Variants in DAPP1 observed in about 807,000 individuals in gnomAD.
DAPP1 encodes the protein dual adaptor of phosphotyrosine and 3-phosphoinositides 1.
Under a neutral mutation model 41.5 loss-of-function variants are expected in DAPP1, and 20 were observed. The observed-to-expected ratio is 0.48, with a 90% confidence interval of 0.34 to 0.70. The LOEUF (loss-of-function observed/expected upper bound fraction) is 0.70, where lower values mean the gene tolerates loss of function less well. DAPP1 is among the 30% of genes least tolerant of loss of function. The pLI is 0.01. For missense variants in DAPP1, 233 were observed against 333.4 expected, an observed-to-expected ratio of 0.70 and a Z score of 2.35; for synonymous variants, 113 against 116.2, an observed-to-expected ratio of 0.97 and a Z score of 0.18.
chr4:99,852,182 A>C (rs1215551395), intron 3 of DAPP1, among the ~76,000 whole-genome samples: 1 of 152,182 alleles, frequency 6.6e-6, no homozygotes. Context: ...GTGCTATTGC[A>C]TTCCCAGTAC....
At chr4:99,839,546 G>A (rs192678437) in intron 2 of DAPP1, among the ~76,000 whole-genome samples, 126 of 152,166 alleles carry the variant, frequency 8.3e-4, no homozygotes, top group African/African-American at 3.0e-3. Flanking sequence ...CTAGGCTCAC[G>A]TAACTAATCA....
At chr4:99,850,618 C>T (rs1723821651) in intron 3 of DAPP1, among the ~76,000 whole-genome samples, 1 of 152,150 alleles carries the variant, frequency 6.6e-6, no homozygotes, top group South Asian at 2.1e-4. Context: ...GATCCCTAGG[C>T]TTCAGTTCCC....
chr4:99,835,171 G>T (rs1279501425), intron 1 of DAPP1, among the ~76,000 whole-genome samples: 1 of 152,020 alleles, frequency 6.6e-6, no homozygotes, highest in African/African-American at 2.4e-5. Flanking sequence ...ACCATGCCAG[G>T]CTAATTTTTG....
At chr4:99,844,360 A>G (rs1723596479) in intron 3 of DAPP1, 1 of 152,250 alleles carries the variant, frequency 6.6e-6, no homozygotes, top group African/African-American at 2.4e-5. Context: ...CAAATAAAAC[A>G]TATTCATGTC....
intron 8 of DAPP1, 53 bp from the exon 9 acceptor site, chr4:99,868,064 G>C (rs376394061): frequency 2.5e-5 from 36 of 1,459,780 alleles, no homozygotes; most frequent in Admixed American, 8.4e-5. Context: ...TTAGAAGCCA[G>C]GGTTCATTAC....
At chr4:99,818,737 G>A (rs1036663643) in intron 1 of DAPP1, among the ~76,000 whole-genome samples, 9 of 152,112 alleles carry the variant, frequency 5.9e-5, no homozygotes, top group Non-Finnish European at 7.4e-5. Flanking sequence ...TTCAGAAGGC[G>A]TGAACAATTA....
intron 2 of DAPP1, among the ~76,000 whole-genome samples, chr4:99,836,467 G>A (rs1025860760): frequency 1.3e-5 from 2 of 152,248 alleles, no homozygotes; most frequent in Middle Eastern, 3.4e-3. Flanking sequence ...GTTTTTAGGC[G>A]CTTCTCCATG....
intron 3 of DAPP1, among the ~76,000 whole-genome samples, chr4:99,852,488 C>T (rs926950067): frequency 1.3e-5 from 2 of 152,134 alleles, no homozygotes; most frequent in African/African-American, 4.8e-5. Flanking sequence ...AGTTCCCCAG[C>T]CCCCCATGCC....
intron 3 of DAPP1, among the ~76,000 whole-genome samples, chr4:99,843,866 T>C (rs1438981721): frequency 6.6e-6 from 1 of 152,260 alleles, no homozygotes; most frequent in Non-Finnish European, 1.5e-5. Context: ...TTCCACAATA[T>C]GTCATGCTGG....
At chr4:99,839,521 A>ATGGGAGGAAAAGGG (rs1248413434) in intron 2 of DAPP1, among the ~76,000 whole-genome samples, 17 of 152,024 alleles carry the variant, frequency 1.1e-4, no homozygotes, top group Admixed American at 1.1e-3. Context: ...TGGAACATGC[A>ATGGGAGGAAAAGGG]CGGGAGGAAA....
chr4:99,862,871 A>T (rs1261663596), intron 5 of DAPP1, 139 bp from the exon 6 acceptor site: 2 of 568,952 alleles, frequency 3.5e-6, no homozygotes, highest in Non-Finnish European at 2.9e-6. Context: ...AAATGACACA[A>T]AAGAATTTTT....
chr4:99,868,411 T>C lies in DAPP1; in HGVS notation c.*226T>C. ...AACACTGAAGCAATCACCATTCTGA[T>C]AGAAAGTGCTTAAACCACCACTCTT... is the stretch of plus-strand genomic sequence containing the variant. On this transcript the variant is annotated 3_prime_UTR_variant, in exon 9 of 9. Coordinates refer to ENST00000512369, the MANE Select transcript of DAPP1 (RefSeq NM_014395.3). 5.4e-6 allele frequency: 3 copies of C among 555,686 alleles called. No homozygotes were observed. The highest frequency in any genetic ancestry group is 9.7e-6 in the Non-Finnish European group (3 of 309,944). The allele number at this position is 555,686 out of a possible 1,614,324, so 34.4% of individuals were successfully genotyped here.
intron 1 of DAPP1, among the ~76,000 whole-genome samples, chr4:99,822,618 C>A (rs966583058): frequency 6.6e-6 from 1 of 152,126 alleles, no homozygotes; most frequent in African/African-American, 2.4e-5. Flanking sequence ...TGAACTCAGA[C>A]CCACCCAGTC....
In DAPP1 at chr4:99,853,129, C is replaced by G. The variant is rs181192937; in HGVS notation, c.359-89C>G. ...GGGAATACATGAAAAAAACAAAAGA[C>G]TTTCCAATCCAGCCACAGTTATCCA... On this transcript the variant is annotated intron_variant, in intron 3 of 8. Coordinates refer to ENST00000512369, the MANE Select transcript of DAPP1 (RefSeq NM_014395.3). 1.3e-3 allele frequency: 1,922 copies of G among 1,479,624 alleles called. 38 individuals are homozygous for G. In the Admixed American group the frequency reaches 0.039, roughly 30 times the overall value. The allele number at this position is 1,479,624 out of a possible 1,614,324, so 91.7% of individuals were successfully genotyped here.
intron 1 of DAPP1, 94 bp downstream of exon 1, chr4:99,817,108 C>T: frequency 1.2e-6 from 1 of 864,340 alleles, no homozygotes; most frequent in Admixed American, 2.8e-5. Flanking sequence ...ATCTTCAGTG[C>T]CTTGTTGCCC....
At chr4:99,854,005 T>TA (rs1351793091) in intron 4 of DAPP1, among the ~76,000 whole-genome samples, 10 of 152,234 alleles carry the variant, frequency 6.6e-5, no homozygotes, top group African/African-American at 2.2e-4. Context: ...TATATTTTTT[T>TA]AAATATTTCA....
At chr4:99,867,198 A>G (rs1442832695) in intron 8 of DAPP1, among the ~76,000 whole-genome samples, 1 of 152,244 alleles carries the variant, frequency 6.6e-6, no homozygotes, top group Non-Finnish European at 1.5e-5. Context: ...TCAAATAAGT[A>G]TACCATTCAT....
intron 1 of DAPP1, among the ~76,000 whole-genome samples, chr4:99,818,617 T>C (rs1276215168): frequency 6.6e-6 from 1 of 152,112 alleles, no homozygotes; most frequent in East Asian, 1.9e-4. Flanking sequence ...ACGGGTGGAA[T>C]AGGACTGTGT....
rs143908914 is a variant in DAPP1 at position 99,856,320 on chromosome 4, G to A, written c.489+2972G>A. Among the ~76,000 whole-genome samples, 1,082 of 152,278 alleles carry A rather than the reference G, an allele frequency of 7.1e-3. 10 individuals carry two copies. Among genetic ancestry groups the A allele is most frequent in the Middle Eastern group, 0.02 (6 of 294 alleles). ...AAGCAAGGGAGGCCTCTGTGAGGAG[G>A]AACCATTAGTAAGAGATTTCACTGA... On this transcript the variant is annotated intron_variant, in intron 4 of 8. Transcript: ENST00000512369.
Sources: gnomAD v4.1 joint callset for allele counts (sites outside exome capture counted in the v4.1 genomes callset) on GRCh38, gnomAD v4.1.1 for gene constraint, MANE v1.5 for transcripts, NCBI Gene and HGNC (gene_info 2026-07-23, HGNC 2026-07-21) for gene names.